Variants in PDE4B observed in about 807,000 individuals in gnomAD.
PDE4B encodes 3',5'-cyclic-AMP phosphodiesterase 4B.
A neutral mutation model predicts 82.2 loss-of-function variants in PDE4B; 20 were observed. The observed-to-expected ratio is 0.24, with a 90% CI of 0.17 to 0.35. PDE4B has a LOEUF of 0.35. PDE4B is among the 10% of genes least tolerant of loss of function. The pLI, the probability that PDE4B is intolerant of heterozygous loss-of-function variation, is 1.00. For synonymous variants in PDE4B, 320 were observed against 318.9 expected, an observed-to-expected ratio of 1.00 and a Z score of -0.04; for missense variants, 655 against 907.2, an observed-to-expected ratio of 0.72 and a Z score of 3.57.
chr1:66,097,771 ATTTG>A (rs574901542), intron 3 of PDE4B, among the ~76,000 whole-genome samples: 125 of 150,910 alleles, frequency 8.3e-4, no homozygotes, highest in Non-Finnish European at 1.7e-3. Flanking sequence ...TAGTCTTTTA[ATTTG>A]TTTATTTCTC....
chr1:66,058,277 G>A (rs1056301251), intron 3 of PDE4B, among the ~76,000 whole-genome samples: 5 of 152,170 alleles, frequency 3.3e-5, no homozygotes, highest in Non-Finnish European at 5.9e-5. Flanking sequence ...GCTTTGCAGA[G>A]CACAGCCTTC....
At chr1:65,845,237 A>C (rs1006613102) in intron 1 of PDE4B, among the ~76,000 whole-genome samples, 6 of 152,182 alleles carry the variant, frequency 3.9e-5, no homozygotes, top group African/African-American at 1.4e-4. Flanking sequence ...CACAGTTATA[A>C]ATAATTGTAA....
At chr1:66,277,498 CG>C (rs1655970080) in intron 7 of PDE4B, among the ~76,000 whole-genome samples, 2 of 152,114 alleles carry the variant, frequency 1.3e-5, no homozygotes, top group Admixed American at 1.3e-4. Flanking sequence ...TGGGTTCAAC[CG>C]ATTCTCCTGC....
chr1:66,157,838 T>C (rs931684563), intron 3 of PDE4B, among the ~76,000 whole-genome samples: 8 of 151,990 alleles, frequency 5.3e-5, no homozygotes, highest in Non-Finnish European at 7.4e-5. Context: ...ACCTTTTAAC[T>C]AGAAGTCAAG....
chr1:66,209,005 C>T (rs932373677), intron 3 of PDE4B, among the ~76,000 whole-genome samples: 6 of 152,168 alleles, frequency 3.9e-5, no homozygotes, highest in South Asian at 2.1e-4. Context: ...TAATACTGTA[C>T]AGCTTCAGAC....
At chr1:65,943,658 G>C (rs371296203) in intron 3 of PDE4B, among the ~76,000 whole-genome samples, 1 of 151,788 alleles carries the variant, frequency 6.6e-6, no homozygotes, top group Non-Finnish European at 1.5e-5. Context: ...CCATATATCC[G>C]AGTCTTCTTC....
chr1:65,875,812 G>C, intron 1 of PDE4B, among the ~76,000 whole-genome samples: 1 of 106,444 alleles, frequency 9.4e-6, no homozygotes, highest in South Asian at 4.0e-4. Context: ...GGGGTGGGGG[G>C]AGGGGGGAGG....
At chr1:66,245,332 A>T (rs1030607067) in intron 3 of PDE4B, among the ~76,000 whole-genome samples, 1 of 152,210 alleles carries the variant, frequency 6.6e-6, no homozygotes, top group Non-Finnish European at 1.5e-5. Flanking sequence ...ACATAAATAC[A>T]TGAAATTTCT....
At position 65,972,523 on chromosome 1, in the gene PDE4B, T is replaced by C. The variant is rs192983506; in HGVS notation, c.281+53688T>C. ...AATATATTCCTGTGGAAGAAACAAT[T>C]TGTAATCTGGATTAGCTTTCTTTGA... On this transcript the variant is annotated intron_variant, in intron 3 of 16. Coordinates refer to ENST00000341517, the MANE Select transcript of PDE4B (RefSeq NM_002600.4). 2.0e-5 allele frequency among the ~76,000 whole-genome samples: 3 copies of C among 152,264 alleles called. No individual in the cohort carries two copies. In the East Asian group the frequency reaches 5.8e-4, roughly 29 times the overall value.
chr1:66,046,676 C>G (rs749346246), intron 3 of PDE4B, among the ~76,000 whole-genome samples: 1 of 151,748 alleles, frequency 6.6e-6, no homozygotes, highest in Non-Finnish European at 1.5e-5. Flanking sequence ...TCTGAATTAT[C>G]GGGAATTACA....
chr1:65,982,828 A>T (rs1650756446), intron 3 of PDE4B, among the ~76,000 whole-genome samples: 1 of 152,176 alleles, frequency 6.6e-6, no homozygotes, highest in Admixed American at 6.5e-5. Flanking sequence ...AAGAAAAGAG[A>T]AGAATGATCC....
intron 7 of PDE4B, among the ~76,000 whole-genome samples, chr1:66,287,452 G>A (rs576588048): frequency 1.1e-3 from 162 of 152,234 alleles, no homozygotes; most frequent in African/African-American, 3.7e-3. Flanking sequence ...AAAATTAGCT[G>A]TAATCCTAGC....
At chr1:66,058,241 T>C (rs926435211) in intron 3 of PDE4B, among the ~76,000 whole-genome samples, 6 of 152,180 alleles carry the variant, frequency 3.9e-5, no homozygotes, top group African/African-American at 1.4e-4. Flanking sequence ...TGGGTTCCCA[T>C]GGTATTGGGC....
At chr1:65,946,675 G>T (rs1365880227) in intron 3 of PDE4B, among the ~76,000 whole-genome samples, 1 of 151,944 alleles carries the variant, frequency 6.6e-6, no homozygotes, top group Non-Finnish European at 1.5e-5. Flanking sequence ...CTAGAAGTGT[G>T]CACTGTATAA....
chr1:66,248,920 G>A lies in PDE4B; in HGVS notation c.476+1266G>A, dbSNP rs138669361. 6.4e-4 allele frequency among the ~76,000 whole-genome samples: 97 copies of A among 152,310 alleles called. 1 individual carries two copies. Among genetic ancestry groups the A allele is most frequent in the African/African-American group, 2.2e-3 (93 of 41,564 alleles). ...TCTTTATTATCCCCACTCCATAGATGATGAAACTGGGACTCTGAGAGATTG... is the reference window on the plus strand; with the variant it reads ...TCTTTATTATCCCCACTCCATAGATAATGAAACTGGGACTCTGAGAGATTG... On this transcript the variant is annotated intron_variant, in intron 4 of 16. Transcript: ENST00000341517.
rs536774746 is a variant in PDE4B at position 66,092,988 on chromosome 1, C to A, written c.282-154472C>A. Reference sequence around the variant, plus strand: ...AGTTCGGAAATGTGGTTCATAGTTACAATTTAACCTTTGTAGTATTAAATG... The same window carrying A: ...AGTTCGGAAATGTGGTTCATAGTTAAAATTTAACCTTTGTAGTATTAAATG... On this transcript the variant is annotated intron_variant, in intron 3 of 16. Coordinates refer to ENST00000341517, the MANE Select transcript of PDE4B (RefSeq NM_002600.4). Among the ~76,000 whole-genome samples, 11 of 152,186 alleles carry A rather than the reference C, an allele frequency of 7.2e-5. No homozygotes were observed. The South Asian group carries it at 1.7e-3, about 23-fold the overall frequency.
intron 3 of PDE4B, among the ~76,000 whole-genome samples, chr1:66,178,142 A>C (rs538515637): frequency 3.0e-4 from 45 of 152,140 alleles, no homozygotes; most frequent in African/African-American, 1.1e-3. Context: ...GTTACCAAGT[A>C]ATGTTTTTTT....
intron 1 of PDE4B, among the ~76,000 whole-genome samples, chr1:65,827,813 C>A (rs916790363): frequency 1.3e-5 from 2 of 152,104 alleles, no homozygotes; most frequent in African/African-American, 4.8e-5. Context: ...GAACATCAAG[C>A]AAGATAAATG....
intron 1 of PDE4B, among the ~76,000 whole-genome samples, chr1:65,892,591 A>C (rs903193698): frequency 8.6e-5 from 13 of 151,912 alleles, no homozygotes; most frequent in Non-Finnish European, 1.3e-4. Context: ...ATCTGTACCC[A>C]CCCTAACCCC....
Sources: gnomAD v4.1 joint callset for allele counts (sites outside exome capture counted in the v4.1 genomes callset) on GRCh38, gnomAD v4.1.1 for gene constraint, MANE v1.5 for transcripts, NCBI Gene and HGNC (gene_info 2026-07-23, HGNC 2026-07-21) for gene names.